Variants in LMTK2 observed in about 807,000 individuals in gnomAD.
The protein encoded by LMTK2 is serine/threonine-protein kinase LMTK2.
LMTK2 carries 37 observed loss-of-function variants against 127.5 expected under a neutral mutation model. That is an observed-to-expected ratio of 0.29 (90% confidence interval 0.22 to 0.38). The LOEUF is 0.38. Ranked by LOEUF, LMTK2 falls within the 10% of genes least tolerant of loss-of-function variation. LMTK2 has a pLI of 1.00. For missense variants in LMTK2, 1,694 were observed against 1,920.3 expected (o/e 0.88, Z 2.20); for synonymous variants, 819 against 810.1 (o/e 1.01, Z -0.19).
At chr7:98,156,610 A>C (rs1796929804) in intron 5 of LMTK2, among the ~76,000 whole-genome samples, 1 of 152,264 alleles carries the variant, frequency 6.6e-6, no homozygotes. Flanking sequence ...TTCTTAAAAA[A>C]ACAAAACATA....
At position 98,170,248 on chromosome 7, in the gene LMTK2, C is replaced by T. The variant is rs966570264; in HGVS notation, c.658-1293C>T. Among the ~76,000 whole-genome samples, 6 of 152,256 alleles carry T rather than the reference C, an allele frequency of 3.9e-5. No individual in the cohort carries two copies. In the South Asian group the frequency reaches 6.2e-4, roughly 16 times the overall value. The stretch of plus-strand genomic sequence containing the variant: ...AAGTGCAAAAACTCCTAACATAACG[C>T]TTGGCTCAGGGCTCAAAGCACAAAT... On this transcript the variant is annotated intron_variant, in intron 6 of 13. Coordinates refer to ENST00000297293, the MANE Select transcript of LMTK2 (RefSeq NM_014916.4).
chr7:98,203,658 C>A lies in LMTK2; in HGVS notation c.4192C>A (p.Pro1398Thr). ...LSGPAPASGSPYLSRCINSES... is the reference protein window; with the variant it reads ...LSGPAPASGSTYLSRCINSES... ...CGGCCCAGCCCCAGCCTCAGGCTCT[C>A]CCTACCTGAGCAGGTGCATCAACTC... Residue 1398 changes from proline (P) to threonine (T), a missense_variant, in exon 12 of 14, where the codon CCC (proline) becomes ACC (threonine). Around this residue, in one of 8 missense-constraint regions of LMTK2, gnomAD observed 554 missense variants for 567.7 expected, o/e 0.98. Transcript: ENST00000297293. The A allele has an allele frequency of 6.2e-7, 1 of 1,613,702 alleles. No individual in the cohort carries two copies. Among genetic ancestry groups the A allele is most frequent in the Non-Finnish European group, 8.5e-7 (1 of 1,179,838 alleles).
chr7:98,109,727 GA>G (rs1290079656), intron 1 of LMTK2, among the ~76,000 whole-genome samples: 2 of 141,330 alleles, frequency 1.4e-5, no homozygotes, highest in African/African-American at 5.3e-5. Context: ...CTGGGCAACA[GA>G]GTGAGACTCC....
At chr7:98,198,346 G>A (rs1490692623) in intron 11 of LMTK2, among the ~76,000 whole-genome samples, 5 of 151,754 alleles carry the variant, frequency 3.3e-5, no homozygotes, top group African/African-American at 7.3e-5. Flanking sequence ...GTGTGCCACC[G>A]CGCTTGGCTA....
chr7:98,117,474 C>T (rs2116324350), intron 1 of LMTK2, among the ~76,000 whole-genome samples: 1 of 152,280 alleles, frequency 6.6e-6, no homozygotes, highest in South Asian at 2.1e-4. Flanking sequence ...TTACATTGTA[C>T]CAGCTTTGGC....
Position 98,203,560 on chromosome 7 carries a change from G to A in LMTK2, c.4108-14G>A, listed in dbSNP as rs1428677324. 2 of 1,576,508 alleles carry A rather than the reference G, an allele frequency of 1.3e-6. No individual in the cohort carries two copies. The highest frequency in any genetic ancestry group is 2.8e-5 in the African/African-American group (2 of 72,378). On this transcript the variant is annotated splice_polypyrimidine_tract_variant and intron_variant, in intron 11 of 13. Coordinates refer to ENST00000297293, the MANE Select transcript of LMTK2 (RefSeq NM_014916.4). ...CAGGCCTTTGCTGACAGGAGTTTCTGTTTGACTTTTCAGGAGACCCCAACC... is the reference window on the plus strand; with the variant it reads ...CAGGCCTTTGCTGACAGGAGTTTCTATTTGACTTTTCAGGAGACCCCAACC...
intron 6 of LMTK2, among the ~76,000 whole-genome samples, chr7:98,163,000 A>AT (rs986527434): frequency 1.3e-5 from 2 of 152,148 alleles, no homozygotes; most frequent in African/African-American, 4.8e-5. Context: ...CCTTAAGGCC[A>AT]TTATGGGAAG....
chr7:98,161,211 C>T (rs568458019), intron 6 of LMTK2, among the ~76,000 whole-genome samples: 1 of 152,210 alleles, frequency 6.6e-6, no homozygotes, highest in Non-Finnish European at 1.5e-5. Context: ...TCCCCATCTA[C>T]AAGTCTGGAC....
intron 5 of LMTK2, among the ~76,000 whole-genome samples, chr7:98,159,040 A>G (rs753185357): frequency 1.3e-5 from 2 of 152,168 alleles, no homozygotes; most frequent in Non-Finnish European, 2.9e-5. Flanking sequence ...CCAGGGTGAC[A>G]GAACGAGACC....
rs752766612 is a variant in LMTK2 at position 98,193,130 on chromosome 7, G to A, written c.2665G>A (p.Glu889Lys). 53 of 1,613,496 alleles carry A rather than the reference G, an allele frequency of 3.3e-5. No individual in the cohort carries two copies. Among genetic ancestry groups the A allele is most frequent in the Non-Finnish European group, 4.2e-5 (50 of 1,180,020 alleles). ...LDNRSQDSPG[E>K]SEETLRLTES... The stretch of plus-strand genomic sequence containing the variant: ...TAACAGGTCCCAGGACTCTCCTGGC[G>A]AGAGTGAGGAGACCCTGCGACTCAC... Residue 889 changes from glutamate to lysine, a missense_variant, in exon 11 of 14, where the codon GAG becomes AAG. Around this residue, in one of 8 missense-constraint regions of LMTK2, gnomAD observed 527 missense variants for 539.8 expected, o/e 0.98. Coordinates refer to ENST00000297293, the MANE Select transcript of LMTK2 (RefSeq NM_014916.4). This position sits in a 1 kb window ranked among gnomAD's most constrained non-coding sequence, Gnocchi z 4.1.
intron 6 of LMTK2, among the ~76,000 whole-genome samples, chr7:98,161,445 T>C (rs1367688888): frequency 1.3e-5 from 2 of 152,190 alleles, no homozygotes; most frequent in Admixed American, 1.3e-4. Context: ...ATTGGGCACT[T>C]AACTGAAGTA....
At chr7:98,164,938 A>G (rs576421403) in intron 6 of LMTK2, among the ~76,000 whole-genome samples, 1 of 152,372 alleles carries the variant, frequency 6.6e-6, no homozygotes, top group Admixed American at 6.5e-5. Flanking sequence ...CCTTTACTAA[A>G]TTCAGCCAGT....
At chr7:98,200,931 C>T (rs1460326189) in intron 11 of LMTK2, among the ~76,000 whole-genome samples, 3 of 152,216 alleles carry the variant, frequency 2.0e-5, no homozygotes, top group Non-Finnish European at 4.4e-5. Flanking sequence ...TCTGGAGGGC[C>T]TCCTGTCCTT....
chr7:98,167,692 T>C (rs1371050637), intron 6 of LMTK2, among the ~76,000 whole-genome samples: 1 of 151,814 alleles, frequency 6.6e-6, no homozygotes, highest in African/African-American at 2.4e-5. Flanking sequence ...GGGAGGGAAG[T>C]TGAGTCAGGA....
chr7:98,151,838 C>T (rs937864288), intron 4 of LMTK2, among the ~76,000 whole-genome samples: 21 of 152,198 alleles, frequency 1.4e-4, no homozygotes, highest in African/African-American at 5.1e-4. Context: ...AGCAGGGCAG[C>T]TCTCTGGAAC....
intron 1 of LMTK2, 21 bp downstream of exon 1, chr7:98,107,301 G>T: frequency 7.5e-7 from 1 of 1,329,808 alleles, no homozygotes; most frequent in African/African-American, 1.5e-5. Context: ...CCGCGGCGGG[G>T]ACGGGGCTGC....
chr7:98,166,704 G>T (rs901508062), intron 6 of LMTK2, among the ~76,000 whole-genome samples: 2 of 152,174 alleles, frequency 1.3e-5, no homozygotes, highest in Non-Finnish European at 2.9e-5. Flanking sequence ...GCAGTAACAT[G>T]CTCTATAGGT....
chr7:98,107,033 G>A lies in LMTK2; in HGVS notation c.-145G>A. The A allele has an allele frequency of 1.8e-6, 1 of 551,524 alleles. No homozygotes were observed. The highest frequency in any genetic ancestry group is 3.0e-6 in the Non-Finnish European group (1 of 338,118). The allele number at this position is 551,524 out of a possible 1,614,324, so 34.2% of individuals were successfully genotyped here. A position where few individuals can be genotyped will look rare whatever the true frequency, so the allele number is the denominator to read the frequency against. ...GGTGCGGACCGGGAGCCGGACCGAG[G>A]TTTGGCAGAAGCAACGTGTGCTCGG... On this transcript the variant is annotated 5_prime_UTR_variant, in exon 1 of 14. Transcript: ENST00000297293.
intron 1 of LMTK2, among the ~76,000 whole-genome samples, chr7:98,116,032 A>G (rs1796277660): frequency 6.6e-6 from 1 of 152,060 alleles, no homozygotes; most frequent in East Asian, 1.9e-4. Flanking sequence ...CTATAGGCGC[A>G]TGTAACCATG....
Sources: gnomAD v4.1 joint callset for allele counts (sites outside exome capture counted in the v4.1 genomes callset) on GRCh38, gnomAD v4.1.1 for gene constraint, gnomAD v4.1.1 regional missense constraint, Gnocchi (gnomAD v3.1) non-coding constraint, MANE v1.5 for transcripts, NCBI Gene and HGNC (gene_info 2026-07-23, HGNC 2026-07-21) for gene names.